GAS7: variants seen among roughly 807,000 people sequenced by gnomAD.
GAS7 encodes growth arrest-specific protein 7.
GAS7 carries 28 observed loss-of-function variants against 71.1 expected under a neutral mutation model. That is an observed-to-expected ratio of 0.39 (90% CI 0.29 to 0.54). The LOEUF (loss-of-function observed/expected upper bound fraction) is 0.54, where lower values mean the gene tolerates loss of function less well. Ranked by LOEUF, GAS7 falls within the 20% of genes least tolerant of loss-of-function variation. GAS7 has a pLI of 0.62. For synonymous variants in GAS7, 258 were observed against 245.8 expected, an observed-to-expected ratio of 1.05 and a Z score of -0.46; for missense variants, 436 against 627.8, an observed-to-expected ratio of 0.69 and a Z score of 3.27.
chr17:10,098,043 C>CAAAAAAAAA (rs34381280), intron 1 of GAS7, among the ~76,000 whole-genome samples: 11 of 136,820 alleles, frequency 8.0e-5, no homozygotes, highest in African/African-American at 2.9e-4. Context: ...GACTCCATCT[C>CAAAAAAAAA]AAAAAAAAAA....
At chr17:9,987,962 G>A (rs1015358433) in intron 2 of GAS7, among the ~76,000 whole-genome samples, 10 of 152,328 alleles carry the variant, frequency 6.6e-5, no homozygotes, top group East Asian at 1.9e-4. Flanking sequence ...GCTGGGGCTC[G>A]TCCACTTTTC....
At chr17:10,007,229 G>T (rs964929438) in intron 2 of GAS7, among the ~76,000 whole-genome samples, 10 of 152,134 alleles carry the variant, frequency 6.6e-5, no homozygotes, top group Admixed American at 2.0e-4. Flanking sequence ...TAGAATCTGC[G>T]TATTGTTTTG....
In GAS7 at chr17:10,101,383, C is replaced by T. The variant is rs573346866; in HGVS notation, c.184-81486G>A. ...AGCAGGCAAGAGAAAACAAGCATGGCGGAAGCCACGGCCATTTTGTTACCT... is the reference window on the plus strand; with the variant it reads ...AGCAGGCAAGAGAAAACAAGCATGGTGGAAGCCACGGCCATTTTGTTACCT... On this transcript the variant is annotated intron_variant, in intron 1 of 13. Coordinates refer to ENST00000432992, the MANE Select transcript of GAS7 (RefSeq NM_201433.2). 1.3e-3 allele frequency among the ~76,000 whole-genome samples: 205 copies of T among 152,340 alleles called. 1 individual carries two copies. The highest frequency in any genetic ancestry group is 4.2e-3 in the African/African-American group (173 of 41,582).
At chr17:10,111,859 G>A (rs1325346609) in intron 1 of GAS7, among the ~76,000 whole-genome samples, 7 of 152,064 alleles carry the variant, frequency 4.6e-5, no homozygotes, top group East Asian at 1.9e-4. Flanking sequence ...GCCGTGTTTC[G>A]ACTTGAGGAA....
At chr17:10,123,591 T>A (rs1276584453) in intron 1 of GAS7, among the ~76,000 whole-genome samples, 3 of 152,196 alleles carry the variant, frequency 2.0e-5, no homozygotes, top group Non-Finnish European at 4.4e-5. Flanking sequence ...ACTCAAACAA[T>A]CTGTGGCCCC....
At chr17:10,050,737 C>G (rs546831069) in intron 1 of GAS7, among the ~76,000 whole-genome samples, 2 of 152,190 alleles carry the variant, frequency 1.3e-5, no homozygotes, top group Non-Finnish European at 2.9e-5. Flanking sequence ...TGTGTATACA[C>G]GAGGGGTGAA....
chr17:10,087,616 G>C (rs1231001372), intron 1 of GAS7, among the ~76,000 whole-genome samples: 21 of 152,180 alleles, frequency 1.4e-4, no homozygotes. Flanking sequence ...GACTGAAGCA[G>C]TAAGCGTCAG....
chr17:9,983,623 C>A (rs1411481865), intron 2 of GAS7, among the ~76,000 whole-genome samples: 1 of 151,930 alleles, frequency 6.6e-6, no homozygotes, highest in Non-Finnish European at 1.5e-5. Flanking sequence ...CCGATCTCCA[C>A]TAAAAATAAC....
chr17:10,045,171 G>A (rs1279896785), intron 1 of GAS7, among the ~76,000 whole-genome samples: 1 of 152,046 alleles, frequency 6.6e-6, no homozygotes, highest in African/African-American at 2.4e-5. Flanking sequence ...TTGGATCACA[G>A]GCACACAAGG....
rs1002244339 is a variant in GAS7, at chr17:9,912,595, G to A, written c.*4633C>T. 7.3e-5 allele frequency: 17 copies of A among 232,934 alleles called. No individual in the cohort carries two copies. The highest frequency in any genetic ancestry group is 3.7e-4 in the African/African-American group (17 of 45,338). 14.4% of individuals were successfully genotyped at this position (232,934 alleles called of 1,614,324 possible). On this transcript the variant is annotated 3_prime_UTR_variant, in exon 14 of 14. Transcript: ENST00000432992. Reference sequence around the variant, plus strand: ...AAGCTTCAGGTTGCAGCAGACGTGAGCAGCAATTGAGCACCCATCCGTCCC... The same window carrying A: ...AAGCTTCAGGTTGCAGCAGACGTGAACAGCAATTGAGCACCCATCCGTCCC...
At chr17:10,112,237 C>T (rs576618027) in intron 1 of GAS7, among the ~76,000 whole-genome samples, 19 of 152,268 alleles carry the variant, frequency 1.2e-4, no homozygotes, top group African/African-American at 3.4e-4. Context: ...AGCACGTGAC[C>T]GAAGACACAC....
intron 2 of GAS7, among the ~76,000 whole-genome samples, chr17:10,005,139 GCGCACGCA>G (rs1567879700): frequency 4.6e-4 from 18 of 38,884 alleles, no homozygotes; most frequent in South Asian, 3.3e-3. Context: ...GCATGTGTGC[GCGCACGCA>G]TGCATGCATG....
chr17:9,920,922 T>C (rs985562413), intron 11 of GAS7, among the ~76,000 whole-genome samples: 3 of 152,136 alleles, frequency 2.0e-5, no homozygotes, highest in Non-Finnish European at 4.4e-5. Flanking sequence ...GGTACTCTGA[T>C]AGGAAAGTCA....
intron 2 of GAS7, among the ~76,000 whole-genome samples, chr17:9,989,277 A>G (rs1362843388): frequency 6.6e-6 from 1 of 152,130 alleles, no homozygotes; most frequent in Non-Finnish European, 1.5e-5. Flanking sequence ...CTGCAGCAAA[A>G]CAGTGTATTT....
At chr17:10,032,047 G>A (rs1424153948) in intron 1 of GAS7, among the ~76,000 whole-genome samples, 5 of 139,760 alleles carry the variant, frequency 3.6e-5, no homozygotes, top group African/African-American at 1.3e-4. Context: ...AACAGCTCCA[G>A]AAATAACAAG....
intron 7 of GAS7, 145 bp from the exon 8 acceptor site, chr17:9,940,345 C>T: frequency 1.4e-6 from 1 of 703,290 alleles, no homozygotes; most frequent in Non-Finnish European, 2.6e-6. Context: ...GTCTACCTGA[C>T]ATGCAGTAGG....
At chr17:10,105,176 G>A (rs540788484) in intron 1 of GAS7, among the ~76,000 whole-genome samples, 20 of 152,084 alleles carry the variant, frequency 1.3e-4, no homozygotes, top group Admixed American at 8.5e-4. Flanking sequence ...CATGCCATGC[G>A]TATTCCTACC....
At chr17:10,146,609 G>A (rs1322041635) in intron 1 of GAS7, among the ~76,000 whole-genome samples, 1 of 152,156 alleles carries the variant, frequency 6.6e-6, no homozygotes, top group Non-Finnish European at 1.5e-5. Context: ...CCAGGAGACT[G>A]TGATGCTCTC....
chr17:9,987,299 T>TTCA (rs1490289083), intron 2 of GAS7, among the ~76,000 whole-genome samples: 1 of 152,126 alleles, frequency 6.6e-6, no homozygotes, highest in Non-Finnish European at 1.5e-5. Flanking sequence ...CCCCACCTAA[T>TTCA]TCACACAAAA....
Sources: gnomAD v4.1 joint callset for allele counts (sites outside exome capture counted in the v4.1 genomes callset) on GRCh38, gnomAD v4.1.1 for gene constraint, MANE v1.5 for transcripts, NCBI Gene and HGNC (gene_info 2026-07-23, HGNC 2026-07-21) for gene names.